The following CLNK variants were observed in gnomAD, a reference collection of about 807,000 sequenced individuals.
CLNK encodes cytokine dependent hematopoietic cell linker, also known as cytokine-dependent hematopoietic cell linker.
A neutral mutation model predicts 68.6 loss-of-function variants in CLNK; 74 were observed. The observed-to-expected ratio is 1.08, with a 90% CI of 0.89 to 1.31. The LOEUF (loss-of-function observed/expected upper bound fraction) is 1.31. Among genes scored for constraint, CLNK ranks in the 50% most tolerant of loss-of-function variants. The pLI, the probability that CLNK is intolerant of heterozygous loss-of-function variation, is 0.00. For missense variants in CLNK, 553 were observed against 515.3 expected, an observed-to-expected ratio of 1.07 and a Z score of -0.71; for synonymous variants, 198 against 172.2, an observed-to-expected ratio of 1.15 and a Z score of -1.17.
the CLNK span, among the ~76,000 whole-genome samples, chr4:10,708,378 A>G: frequency 6.6e-6 from 1 of 152,172 alleles, no homozygotes; most frequent in Non-Finnish European, 1.5e-5. Flanking sequence ...CTTTGTGGTG[A>G]ACACTATTTT....
intron 4 of CLNK, among the ~76,000 whole-genome samples, chr4:10,582,404 T>G (rs6819450): frequency 0.22 from 33,954 of 152,178 alleles, 4,048 homozygotes; most frequent in African/African-American, 0.29. Flanking sequence ...GTATTTTCCC[T>G]GACAAGATGA....
the CLNK span, among the ~76,000 whole-genome samples, chr4:10,696,530 G>A: frequency 6.6e-6 from 1 of 152,206 alleles, no homozygotes; most frequent in Non-Finnish European, 1.5e-5. Flanking sequence ...AACATTGGAA[G>A]ATGTAAGCTG....
intron 2 of CLNK, among the ~76,000 whole-genome samples, chr4:10,624,690 G>T (rs2720363): frequency 0.68 from 102,267 of 150,364 alleles, 35,731 homozygotes; most frequent in East Asian, 0.77. Context: ...GGATCTCTAA[G>T]ATGCCAAGAA....
intron 1 of CLNK, among the ~76,000 whole-genome samples, chr4:10,670,746 A>G (rs1724595199): frequency 6.6e-6 from 1 of 152,218 alleles, no homozygotes; most frequent in African/African-American, 2.4e-5. Context: ...TTTGGTGACA[A>G]AAATGGTTTC....
chr4:10,649,206 T>A (rs771103648), intron 2 of CLNK, among the ~76,000 whole-genome samples: 1 of 152,152 alleles, frequency 6.6e-6, no homozygotes, highest in Non-Finnish European at 1.5e-5. Flanking sequence ...ATAAAAAAAT[T>A]GAATTCCACA....
chr4:10,673,920 G>C (rs1370565507), intron 1 of CLNK, among the ~76,000 whole-genome samples: 1 of 152,142 alleles, frequency 6.6e-6, no homozygotes, highest in Non-Finnish European at 1.5e-5. Context: ...CAGAAATGGA[G>C]CACAACTCAT....
intron 3 of CLNK, among the ~76,000 whole-genome samples, chr4:10,593,334 T>A (rs1010001600): frequency 2.3e-4 from 35 of 152,042 alleles, no homozygotes; most frequent in African/African-American, 8.2e-4. Flanking sequence ...AGGGACCCAG[T>A]AGAGGGCCTC....
At chr4:10,500,493 C>A (rs111345143) in intron 18 of CLNK, among the ~76,000 whole-genome samples, 11,952 of 152,174 alleles carry the variant, frequency 0.079, 660 homozygotes, top group Non-Finnish European at 0.12. Flanking sequence ...CCAGCCTGAC[C>A]AACATGGTGA....
At chr4:10,500,750 T>C (rs1373080554) in intron 18 of CLNK, among the ~76,000 whole-genome samples, 1 of 152,128 alleles carries the variant, frequency 6.6e-6, no homozygotes, top group East Asian at 1.9e-4. Flanking sequence ...TGTGGATTGA[T>C]TTATGTTATT....
chr4:10,654,222 A>G (rs1400578312), intron 2 of CLNK, among the ~76,000 whole-genome samples: 2 of 151,946 alleles, frequency 1.3e-5, no homozygotes, highest in Non-Finnish European at 2.9e-5. Flanking sequence ...ATAATATGTC[A>G]TGACCAAGTT....
intron 1 of CLNK, among the ~76,000 whole-genome samples, chr4:10,671,771 T>C (rs1724651932): frequency 6.6e-6 from 1 of 152,208 alleles, no homozygotes; most frequent in South Asian, 2.1e-4. Context: ...CCTCATTTTA[T>C]ACAAAACCAA....
At chr4:10,494,614 C>T (rs1245346875) in intron 18 of CLNK, among the ~76,000 whole-genome samples, 1 of 152,052 alleles carries the variant, frequency 6.6e-6, no homozygotes, top group Non-Finnish European at 1.5e-5. Context: ...TGTGCCATGG[C>T]GCGCAGCTAA....
intron 2 of CLNK, among the ~76,000 whole-genome samples, chr4:10,634,456 T>G (rs1723006048): frequency 6.6e-6 from 1 of 152,224 alleles, no homozygotes; most frequent in Non-Finnish European, 1.5e-5. Flanking sequence ...TTATTTCATT[T>G]GCCTGTCATT....
At chr4:10,656,743 G>A (rs531688986) in intron 2 of CLNK, among the ~76,000 whole-genome samples, 1 of 152,110 alleles carries the variant, frequency 6.6e-6, no homozygotes, top group South Asian at 2.1e-4. Flanking sequence ...CTATGCTTTA[G>A]GACATGTAAA....
At chr4:10,492,116 G>A (rs1716600193) in intron 18 of CLNK, among the ~76,000 whole-genome samples, 1 of 152,166 alleles carries the variant, frequency 6.6e-6, no homozygotes, top group South Asian at 2.1e-4. Context: ...CAGGGCAGGG[G>A]GAATGATCTT....
chr4:10,538,833 A>G (rs775277795), intron 11 of CLNK, among the ~76,000 whole-genome samples: 2 of 152,220 alleles, frequency 1.3e-5, no homozygotes, highest in Non-Finnish European at 2.9e-5. Flanking sequence ...CAACATAGGT[A>G]CCAATGGAGA....
intron 4 of CLNK, 28 bp from the exon 5 acceptor site, chr4:10,571,806 T>C (rs1351358548): frequency 2.5e-6 from 4 of 1,590,734 alleles, no homozygotes; most frequent in African/African-American, 1.3e-5. Context: ...CCGAGTGTTA[T>C]TTTAATCACT....
chr4:10,586,336 C>CTTTTTTT, intron 3 of CLNK, among the ~76,000 whole-genome samples: 1 of 89,246 alleles, frequency 1.1e-5, no homozygotes, highest in African/African-American at 4.1e-5. Context: ...CTTTTTTTTT[C>CTTTTTTT]TTTTTTTTTT....
chr4:10,543,751 C>G (rs1231147200), intron 8 of CLNK, among the ~76,000 whole-genome samples: 1 of 152,182 alleles, frequency 6.6e-6, no homozygotes, highest in Non-Finnish European at 1.5e-5. Flanking sequence ...AATAAAATTA[C>G]CATTCTTCCT....
Sources: gnomAD v4.1 joint callset for allele counts (sites outside exome capture counted in the v4.1 genomes callset) on GRCh38, gnomAD v4.1.1 for gene constraint, MANE v1.5 for transcripts, NCBI Gene and HGNC (gene_info 2026-07-23, HGNC 2026-07-21) for gene names.